Variants in DNTTIP1 observed in about 807,000 individuals in gnomAD.
DNTTIP1 encodes the protein deoxynucleotidyltransferase terminal interacting protein 1, also known as deoxynucleotidyltransferase terminal-interacting protein 1.
DNTTIP1 carries 22 observed loss-of-function variants against 52.9 expected under a neutral mutation model. The ratio of observed to expected loss-of-function variants is 0.42; its 90% confidence interval spans 0.30 to 0.59. DNTTIP1 has a LOEUF of 0.59. Ranked by LOEUF, DNTTIP1 falls within the 20% of genes least tolerant of loss-of-function variation. DNTTIP1 has a pLI of 0.22. For missense variants in DNTTIP1, 286 were observed against 435.5 expected, an observed-to-expected ratio of 0.66 and a Z score of 3.06; for synonymous variants, 136 against 155.1, an observed-to-expected ratio of 0.88 and a Z score of 0.92.
chr20:45,809,032 A>G lies in DNTTIP1; in HGVS notation c.724-82A>G. 8.0e-7 allele frequency: 1 copy of G among 1,252,792 alleles called. No homozygotes were observed. The highest frequency in any genetic ancestry group is 1.2e-6 in the Non-Finnish European group (1 of 859,180). 77.6% of individuals were successfully genotyped at this position (1,252,792 alleles called of 1,614,324 possible). On this transcript the variant is annotated intron_variant, in intron 10 of 12. Transcript: ENST00000372622. The surrounding 1 kb of genome is among the most constrained non-coding windows in gnomAD (Gnocchi z 4.2). ...CAAGGACTTTTGGTAAGAACTGCTC[A>G]AGGGCCAAGAGTATGCTCTGGGACC...
chr20:45,808,135 C>CA (rs1981709140), intron 10 of DNTTIP1, among the ~76,000 whole-genome samples: 1 of 151,952 alleles, frequency 6.6e-6, no homozygotes, highest in Non-Finnish European at 1.5e-5. Context: ...CAGTTGAGGC[C>CA]AGGAGTTCAA....
intron 3 of DNTTIP1, 68 bp downstream of exon 3, chr20:45,794,085 C>T: frequency 1.1e-6 from 1 of 950,342 alleles, no homozygotes; most frequent in Non-Finnish European, 1.6e-6. Flanking sequence ...TTGCCTGCAT[C>T]ACCAGTCTGT....
chr20:45,810,893 C>A lies in DNTTIP1; in HGVS notation c.804C>A (p.Leu268=), dbSNP rs201795437. ...CCTTGCTCCTGCCTCAGGCCTACCT[C>A]CTCATCGAGGAGGACATCCGGGACC... ...MRATGGKMAY[L]LIEEDIRDLA... The change falls in exon 12 of 13, where the codon CTC becomes CTA. Residue 268 remains leucine, a synonymous_variant. Transcript: ENST00000372622. 1.2e-5 allele frequency: 19 copies of A among 1,614,206 alleles called. No homozygotes were observed. The African/African-American group carries it at 1.5e-4, about 12-fold the overall frequency.
intron 2 of DNTTIP1, 31 bp from the exon 3 acceptor site, chr20:45,793,889 GC>G: frequency 7.1e-7 from 1 of 1,400,752 alleles, no homozygotes; most frequent in Non-Finnish European, 9.9e-7. Context: ...TTTGGGACAT[GC>G]CCCCTCACCC....
chr20:45,809,161 C>T lies in DNTTIP1; in HGVS notation c.771C>T (p.His257=), dbSNP rs751223578. The T allele has an allele frequency of 6.2e-7, 1 of 1,614,188 alleles. No individual in the cohort carries two copies. The highest frequency in any genetic ancestry group is 8.5e-7 in the Non-Finnish European group (1 of 1,180,040). Residue 257 remains histidine (H), a synonymous_variant, in exon 11 of 13, where the codon CAC becomes CAT. Coordinates refer to ENST00000372622, the MANE Select transcript of DNTTIP1 (RefSeq NM_052951.3). This position sits in a 1 kb window ranked among gnomAD's most constrained non-coding sequence, Gnocchi z 4.2. ...QDKHWLAEQH[H]MRATGGKMAY... is the part of the protein sequence containing the mutation. ...AGCACTGGCTGGCTGAGCAGCATCA[C>T]ATGCGGGCAACAGGGGGCAAGATGG...
At chr20:45,794,341 G>T (rs1981155800) in intron 3 of DNTTIP1, among the ~76,000 whole-genome samples, 1 of 151,946 alleles carries the variant, frequency 6.6e-6, no homozygotes, top group Admixed American at 6.6e-5. Context: ...TAGAGACGGG[G>T]TTTCACTGTT....
chr20:45,794,128 C>T (rs1217494355), intron 3 of DNTTIP1, 111 bp downstream of exon 3: 1 of 594,052 alleles, frequency 1.7e-6, no homozygotes, highest in Admixed American at 3.8e-5. Context: ...TAAAGTTTTC[C>T]TTTCTTGTTG....
At position 45,805,052 on chromosome 20, in the gene DNTTIP1, G is replaced by T. The variant is rs925597139; in HGVS notation, c.604-94G>T. ...CAACTGTTGATTAAATAATAGACAA[G>T]GGGAAGGGTTAGAAAAGGGTAGGGG... On this transcript the variant is annotated intron_variant, in intron 8 of 12. Transcript: ENST00000372622. 34 of 1,074,336 alleles carry T rather than the reference G, an allele frequency of 3.2e-5. 1 individual carries two copies. Among genetic ancestry groups the T allele is most frequent in the Admixed American group, 8.5e-5 (5 of 58,644 alleles). The allele number at this position is 1,074,336 out of a possible 1,614,324, so 66.6% of individuals were successfully genotyped here. A position where few individuals can be genotyped will look rare whatever the true frequency, so the allele number is the denominator to read the frequency against.
Position 45,804,996 on chromosome 20 carries a change from T to C in DNTTIP1, c.604-150T>C. The C allele has an allele frequency of 1.2e-5, 9 of 741,988 alleles. 1 individual carries two copies. In the South Asian group the frequency reaches 1.4e-4, roughly 11 times the overall value. The allele number at this position is 741,988 out of a possible 1,614,324, so 46.0% of individuals were successfully genotyped here. ...CCCAGTATCTAGCACAGACAGGGCC[T>C]AGCATATTGTGAGTACTCAGTGTCT... On this transcript the variant is annotated intron_variant, in intron 8 of 12. Transcript: ENST00000372622.
chr20:45,811,193 TG>T lies in DNTTIP1; in HGVS notation c.989del (p.Ter330=). 1 of 1,603,614 alleles carries T rather than the reference TG, an allele frequency of 6.2e-7. No homozygotes were observed. The highest frequency in any genetic ancestry group is 8.5e-7 in the Non-Finnish European group (1 of 1,175,406). ...TGCTGTTGAAGCACCTCCACAGACC[TG>T]AGGCCGGGTCCCCTGGCCACACTTG... ...HRAVEAPPQT[*>X] On this transcript the variant is annotated frameshift_variant and stop_lost, in exon 13 of 13. Coordinates refer to ENST00000372622, the MANE Select transcript of DNTTIP1 (RefSeq NM_052951.3). LOFTEE classifies it high-confidence loss of function.
At position 45,795,341 on chromosome 20, in the gene DNTTIP1, C is replaced by G; in HGVS notation, c.274-4C>G. ...TGACCTTGTCCTCTGTTGTGCTCCC[C>G]TAGTTCTTCCAGAAGGCAGCACTGA... On this transcript the variant is annotated splice_region_variant and splice_polypyrimidine_tract_variant and intron_variant, in intron 3 of 12. Coordinates refer to ENST00000372622, the MANE Select transcript of DNTTIP1 (RefSeq NM_052951.3). 6.3e-7 allele frequency: 1 copy of G among 1,598,206 alleles called. No individual in the cohort carries two copies. Among genetic ancestry groups the G allele is most frequent in the Non-Finnish European group, 8.6e-7 (1 of 1,169,380 alleles).
At chr20:45,796,406 G>A in intron 4 of DNTTIP1, 1 of 442,164 alleles carries the variant, frequency 2.3e-6, no homozygotes, top group Non-Finnish European at 4.6e-6. Context: ...AAAAAGAAAT[G>A]GCTTAAGACA....
intron 11 of DNTTIP1, among the ~76,000 whole-genome samples, chr20:45,810,068 G>A (rs529698345): frequency 7.9e-5 from 12 of 152,136 alleles, no homozygotes; most frequent in Non-Finnish European, 1.5e-4. Flanking sequence ...TGGGAGACCT[G>A]TGCACTTCTA....
At chr20:45,796,386 GCA>G (rs772489154) in intron 4 of DNTTIP1, 1 of 353,902 alleles carries the variant, frequency 2.8e-6, no homozygotes, top group Non-Finnish European at 5.7e-6. Flanking sequence ...TAAAAGCAAA[GCA>G]AAAAAAAAAA....
At chr20:45,798,741 C>T (rs893188321) in intron 4 of DNTTIP1, among the ~76,000 whole-genome samples, 5 of 152,154 alleles carry the variant, frequency 3.3e-5, no homozygotes, top group Non-Finnish European at 4.4e-5. Context: ...GTCTTCCCCT[C>T]GCACTCCTAC....
chr20:45,805,358 C>G lies in DNTTIP1; in HGVS notation c.715C>G (p.Leu239Val). 1 of 1,614,072 alleles carries G rather than the reference C, an allele frequency of 6.2e-7. No individual in the cohort carries two copies. The highest frequency in any genetic ancestry group is 8.5e-7 in the Non-Finnish European group (1 of 1,180,012). Residue 239 changes from leucine to valine, a missense_variant, in exon 10 of 13, where the codon CTC becomes GTC. Physicochemically the swap from Leu to Val is conservative, Grantham distance 32. This residue lies in a region of DNTTIP1 where 78 missense variants were observed against 169.0 expected (regional missense o/e 0.46). Transcript: ENST00000372622. Reference sequence around the variant, plus strand: ...AAGAATCTACATCAAGCACCCACACCTCTTTAAGGTAGGTGACTGCTGGGA... The same window carrying G: ...AAGAATCTACATCAAGCACCCACACGTCTTTAAGGTAGGTGACTGCTGGGA... The part of the protein sequence containing the change: ...RGRIYIKHPH[L>V]FKYAADPQDK...
intron 2 of DNTTIP1, 94 bp downstream of exon 2, chr20:45,792,841 C>T: frequency 1.7e-6 from 2 of 1,148,880 alleles, no homozygotes; most frequent in Admixed American, 2.7e-5. Flanking sequence ...AGATCTACAG[C>T]CGGTAGAAAG....
chr20:45,811,382 G>A lies in DNTTIP1; in HGVS notation c.*187G>A, dbSNP rs1239794315. The A allele has an allele frequency of 1.0e-5, 6 of 587,138 alleles. No individual in the cohort carries two copies. In the East Asian group the frequency reaches 1.8e-4, roughly 17 times the overall value. The allele number at this position is 587,138 out of a possible 1,614,324, so 36.4% of individuals were successfully genotyped here. ...GTGGTTCTATATTTGTAAAGTTATT[G>A]GGATAAGAAACAATTAAACAGTTTG... On this transcript the variant is annotated 3_prime_UTR_variant, in exon 13 of 13. Coordinates refer to ENST00000372622, the MANE Select transcript of DNTTIP1 (RefSeq NM_052951.3).
intron 10 of DNTTIP1, among the ~76,000 whole-genome samples, chr20:45,806,220 A>G (rs1390308304): frequency 6.9e-6 from 1 of 144,336 alleles, no homozygotes; most frequent in African/African-American, 2.6e-5. Context: ...GCTGGGCATG[A>G]TGGCGCATGC....
Sources: allele counts gnomAD v4.1 joint callset (sites outside exome capture counted in the v4.1 genomes callset), GRCh38; gene constraint gnomAD v4.1.1; regional missense constraint gnomAD v4.1.1; non-coding constraint Gnocchi (gnomAD v3.1); transcripts MANE v1.5; gene names NCBI Gene and HGNC (gene_info 2026-07-23, HGNC 2026-07-21).